Variants in TANC2 observed in about 807,000 individuals in gnomAD.
The protein encoded by TANC2 is tetratricopeptide repeat, ankyrin repeat and coiled-coil containing 2, also known as protein TANC2.
In TANC2, 26 loss-of-function variants were observed where a neutral mutation model predicts 210.5. The observed-to-expected ratio is 0.12, with a 90% CI of 0.09 to 0.17. TANC2 has a LOEUF of 0.17. Among genes scored for constraint, TANC2 ranks in the 10% least tolerant of loss-of-function variants. The pLI is 1.00. For synonymous variants in TANC2, 931 were observed against 967.1 expected (o/e 0.96, Z 0.69); for missense variants, 2,129 against 2,608.9 (o/e 0.82, Z 4.01).
chr17:63,302,692 C>T (rs1034527487), intron 9 of TANC2, among the ~76,000 whole-genome samples: 7 of 139,490 alleles, frequency 5.0e-5, no homozygotes, highest in African/African-American at 8.0e-5. Context: ...TGTCTTTGCA[C>T]GGGAGATGGG....
At chr17:63,331,856 CTGTGTGTGTGTGTG>C (rs765243268) in intron 11 of TANC2, 17 of 153,204 alleles carry the variant, frequency 1.1e-4, no homozygotes, top group South Asian at 3.6e-4. Context: ...GTGTGTGTGT[CTGTGTGTGTGTGTG>C]TGTGTGTGTG....
chr17:63,378,369 A>G (rs957437723), intron 14 of TANC2, among the ~76,000 whole-genome samples: 9 of 152,184 alleles, frequency 5.9e-5, no homozygotes, highest in African/African-American at 1.7e-4. Context: ...CACTTAAAAT[A>G]AGTGTATCAT....
At chr17:63,074,982 T>C (rs1490776814) in intron 3 of TANC2, among the ~76,000 whole-genome samples, 1 of 152,186 alleles carries the variant, frequency 6.6e-6, no homozygotes, top group Non-Finnish European at 1.5e-5. Flanking sequence ...AAGTTTGCTC[T>C]TCCCAGTTTT....
chr17:63,222,692 G>A (rs988347367), intron 7 of TANC2, among the ~76,000 whole-genome samples: 1 of 151,156 alleles, frequency 6.6e-6, no homozygotes, highest in African/African-American at 2.4e-5. Context: ...CTTATTGTAT[G>A]TAAATTATAC....
chr17:63,379,618 G>A (rs942067077), intron 14 of TANC2, 100 bp from the exon 15 acceptor site: 10 of 858,530 alleles, frequency 1.2e-5, no homozygotes, highest in East Asian at 2.9e-5. Context: ...GCAGTGAGCC[G>A]AGATTGCGCC....
chr17:63,254,456 T>TG (rs1463740779), intron 8 of TANC2, among the ~76,000 whole-genome samples: 4 of 152,226 alleles, frequency 2.6e-5, no homozygotes, highest in Non-Finnish European at 4.4e-5. Flanking sequence ...CCAGTTTGGA[T>TG]GCCCTATATT....
At chr17:63,270,956 C>G (rs770798523) in intron 9 of TANC2, among the ~76,000 whole-genome samples, 3 of 152,130 alleles carry the variant, frequency 2.0e-5, no homozygotes, top group Non-Finnish European at 4.4e-5. Context: ...CCAAGGATAA[C>G]AGCCTCCAGC....
At position 63,412,255 on chromosome 17, in the gene TANC2, T is replaced by C; in HGVS notation, c.3898+125T>C. 5 of 1,360,910 alleles carry C rather than the reference T, an allele frequency of 3.7e-6. No homozygotes were observed. The highest frequency in any genetic ancestry group is 5.0e-6 in the Non-Finnish European group (5 of 996,942). 84.3% of individuals were successfully genotyped at this position (1,360,910 alleles called of 1,614,324 possible). A position where few individuals can be genotyped will look rare whatever the true frequency, so the allele number is the denominator to read the frequency against. ...CCCCTCCTCCCTGGCCCAATTATTGTCCAAGTGAACAGAGAGGCTCTTGGC... is the reference window on the plus strand; with the variant it reads ...CCCCTCCTCCCTGGCCCAATTATTGCCCAAGTGAACAGAGAGGCTCTTGGC... On this transcript the variant is annotated intron_variant, in intron 23 of 27. Transcript: ENST00000689528. This position sits in a 1 kb window ranked among gnomAD's most constrained non-coding sequence, Gnocchi z 4.2.
At position 63,317,992 on chromosome 17, in the gene TANC2, A is replaced by G. The variant is rs1598843284; in HGVS notation, c.1442-965A>G. On this transcript the variant is annotated intron_variant, in intron 10 of 27. Coordinates refer to ENST00000689528, the Ensembl canonical transcript of TANC2. ...AACTTCACCTCAACCCAAATGTCAC[A>G]CAGTCCTTGAGGCTTCTTTCACTGC... 2.0e-5 allele frequency among the ~76,000 whole-genome samples: 3 copies of G among 152,244 alleles called. No homozygotes were observed. In the South Asian group the frequency reaches 6.2e-4, roughly 31 times the overall value.
chr17:63,030,401 C>T (rs532938674), intron 2 of TANC2, among the ~76,000 whole-genome samples: 1 of 152,274 alleles, frequency 6.6e-6, no homozygotes, highest in Admixed American at 6.5e-5. Context: ...ATTTCTTTCT[C>T]TCTGCCATTT....
chr17:63,253,151 C>T (rs1270573288), intron 8 of TANC2, among the ~76,000 whole-genome samples: 3 of 152,108 alleles, frequency 2.0e-5, no homozygotes, highest in Non-Finnish European at 4.4e-5. Context: ...GGATAAAAGC[C>T]ATTTGATAAT....
At chr17:62,970,291 A>G (rs893301705) in intron 1 of TANC2, among the ~76,000 whole-genome samples, 37 of 152,220 alleles carry the variant, frequency 2.4e-4, no homozygotes, top group African/African-American at 8.7e-4. Flanking sequence ...GTAATTTAAT[A>G]TATTTAATAA....
At chr17:63,253,975 C>G (rs766408248) in intron 8 of TANC2, among the ~76,000 whole-genome samples, 2 of 151,814 alleles carry the variant, frequency 1.3e-5, no homozygotes, top group Admixed American at 1.3e-4. Context: ...TATTTGGGGT[C>G]TTTTGTGGTT....
At chr17:63,215,219 A>G (rs938787408) in intron 7 of TANC2, among the ~76,000 whole-genome samples, 6 of 152,246 alleles carry the variant, frequency 3.9e-5, no homozygotes, top group African/African-American at 9.6e-5. Flanking sequence ...ATCAGATTTC[A>G]GCATTCATCT....
chr17:63,102,706 G>A (rs775016761), intron 4 of TANC2, among the ~76,000 whole-genome samples: 3 of 151,584 alleles, frequency 2.0e-5, no homozygotes, highest in Admixed American at 1.3e-4. Flanking sequence ...GGAACAGGTA[G>A]TAGTATGATC....
At chr17:63,053,425 A>G (rs952893127) in intron 2 of TANC2, among the ~76,000 whole-genome samples, 6 of 152,182 alleles carry the variant, frequency 3.9e-5, no homozygotes, top group Non-Finnish European at 8.8e-5. Flanking sequence ...TTTCCACTCC[A>G]TAAAACCCCT....
intron 5 of TANC2, among the ~76,000 whole-genome samples, chr17:63,185,167 T>TA (rs1426893685): frequency 6.6e-6 from 1 of 152,110 alleles, no homozygotes; most frequent in African/African-American, 2.4e-5. Flanking sequence ...GCTTCTTTTT[T>TA]AAAAAAATGT....
chr17:63,389,741 A>G (rs995127920), intron 17 of TANC2, 197 bp downstream of exon 17: 1 of 607,398 alleles, frequency 1.6e-6, no homozygotes, highest in Admixed American at 3.0e-5. Context: ...ACAGTTCTAA[A>G]CCCTTTGAGA....
Position 62,966,596 on chromosome 17 carries a change from C to A in TANC2, c.-177C>A, listed in dbSNP as rs948101787. On this transcript the variant is annotated 5_prime_UTR_variant, in exon 1 of 28. Coordinates refer to ENST00000689528, the Ensembl canonical transcript of TANC2. The surrounding 1 kb of genome is among the most constrained non-coding windows in gnomAD (Gnocchi z 5.1). Reference sequence around the variant, plus strand: ...GCTCGCCGGCTGCGAGGCCCCGCCGCGCCGTTCCGGGGTGCAGACTCGCCG... The same window carrying A: ...GCTCGCCGGCTGCGAGGCCCCGCCGAGCCGTTCCGGGGTGCAGACTCGCCG... Among the ~76,000 whole-genome samples the A allele has an allele frequency of 6.6e-6, 1 of 151,372 alleles. No individual in the cohort carries two copies. The highest frequency in any genetic ancestry group is 1.5e-5 in the Non-Finnish European group (1 of 67,802).
Sources: gnomAD v4.1 joint callset for allele counts (sites outside exome capture counted in the v4.1 genomes callset) on GRCh38, gnomAD v4.1.1 for gene constraint, Gnocchi (gnomAD v3.1) non-coding constraint, MANE v1.5 for transcripts, NCBI Gene and HGNC (gene_info 2026-07-23, HGNC 2026-07-21) for gene names.